Variants in MDGA2 observed in about 807,000 individuals in gnomAD.
MDGA2 encodes MAM domain containing glycosylphosphatidylinositol anchor 2.
MDGA2 carries 40 observed loss-of-function variants against 117.8 expected under a neutral mutation model. The ratio of observed to expected loss-of-function variants is 0.34; its 90% CI spans 0.26 to 0.44. MDGA2 has a LOEUF of 0.44. MDGA2 is among the 20% of genes least tolerant of loss of function. The probability of loss-of-function intolerance (pLI) is 1.00; values close to 1 mark genes in which losing one functional copy is unlikely to be tolerated. For missense variants in MDGA2, 1,123 were observed against 1,250.6 expected, an observed-to-expected ratio of 0.90 and a Z score of 1.54; for synonymous variants, 452 against 439.0, an observed-to-expected ratio of 1.03 and a Z score of -0.37.
intron 1 of MDGA2, among the ~76,000 whole-genome samples, chr14:47,618,380 T>C (rs892909810): frequency 3.3e-5 from 5 of 152,162 alleles, no homozygotes; most frequent in African/African-American, 1.2e-4. Flanking sequence ...TTGCCAAGTG[T>C]CCATCTGCAT....
intron 3 of MDGA2, among the ~76,000 whole-genome samples, chr14:47,183,279 T>G (rs1884783081): frequency 6.6e-6 from 1 of 152,058 alleles, no homozygotes; most frequent in African/African-American, 2.4e-5. Context: ...TCTCTCCAAT[T>G]TTATCACTCT....
chr14:47,665,794 G>A (rs149260980), intron 1 of MDGA2, among the ~76,000 whole-genome samples: 8,076 of 95,148 alleles, frequency 0.085, 249 homozygotes, highest in African/African-American at 0.095. Flanking sequence ...CTAGCAGCCC[G>A]CCCCCTCCCT....
chr14:47,073,925 G>A (rs892761773), intron 6 of MDGA2, among the ~76,000 whole-genome samples: 2 of 152,094 alleles, frequency 1.3e-5, no homozygotes, highest in South Asian at 4.1e-4. Context: ...AGGATGCCGG[G>A]TTGATCTTTC....
At chr14:47,238,791 G>T (rs1033656782) in intron 2 of MDGA2, among the ~76,000 whole-genome samples, 6 of 151,612 alleles carry the variant, frequency 4.0e-5, no homozygotes, top group Admixed American at 3.3e-4. Context: ...ATATAATGAT[G>T]TAAAAACAAA....
At chr14:46,996,989 T>C (rs1887318596) in intron 8 of MDGA2, 1 of 377,752 alleles carries the variant, frequency 2.6e-6, no homozygotes, top group Non-Finnish European at 5.0e-6. Flanking sequence ...GGAAATAGCT[T>C]TACAGTGGCC....
At chr14:47,452,753 A>C (rs1012592243) in intron 1 of MDGA2, among the ~76,000 whole-genome samples, 2 of 152,046 alleles carry the variant, frequency 1.3e-5, no homozygotes, top group Non-Finnish European at 2.9e-5. Flanking sequence ...CTAATTCTCC[A>C]ATAGAATGTT....
chr14:46,931,482 A>G lies in MDGA2; in HGVS notation c.2090-11322T>C, dbSNP rs575055537. Among the ~76,000 whole-genome samples the G allele has an allele frequency of 3.4e-4, 51 of 151,538 alleles. No individual in the cohort carries two copies. The South Asian group carries it at 8.7e-3, about 26-fold the overall frequency. ...TTTATAATTTTTAGTTATAATTTAG[A>G]AAAAAAATGTGTTTCATTCCAATTG... On this transcript the variant is annotated intron_variant, in intron 9 of 16. Coordinates refer to ENST00000399232, the MANE Select transcript of MDGA2 (RefSeq NM_001113498.3).
chr14:47,599,532 TTTG>T (rs1206920562), intron 1 of MDGA2, among the ~76,000 whole-genome samples: 1 of 152,138 alleles, frequency 6.6e-6, no homozygotes, highest in East Asian at 1.9e-4. Flanking sequence ...CACCAATGAA[TTTG>T]ATCCCATACC....
chr14:46,862,490 C>A (rs1189806450), intron 14 of MDGA2, among the ~76,000 whole-genome samples: 1 of 149,834 alleles, frequency 6.7e-6, no homozygotes, highest in Non-Finnish European at 1.5e-5. Flanking sequence ...AAGTTCTTAA[C>A]ATAATTTTAC....
intron 9 of MDGA2, among the ~76,000 whole-genome samples, chr14:46,927,270 AG>A (rs1375249961): frequency 1.3e-5 from 2 of 152,154 alleles, no homozygotes; most frequent in Non-Finnish European, 2.9e-5. Context: ...ATTTATTTGT[AG>A]GGTATTTAAT....
At chr14:47,602,351 G>A (rs1353489142) in intron 1 of MDGA2, among the ~76,000 whole-genome samples, 2 of 152,040 alleles carry the variant, frequency 1.3e-5, no homozygotes, top group African/African-American at 4.8e-5. Flanking sequence ...CCAGATCATG[G>A]TGAGCCAAGA....
chr14:47,001,852 T>G (rs999455239), intron 8 of MDGA2, among the ~76,000 whole-genome samples: 1 of 152,050 alleles, frequency 6.6e-6, no homozygotes, highest in African/African-American at 2.4e-5. Context: ...GCAGTGGTGG[T>G]ATATACATTC....
chr14:47,431,648 CA>C (rs1892801964), intron 1 of MDGA2, among the ~76,000 whole-genome samples: 13 of 151,938 alleles, frequency 8.6e-5, no homozygotes, highest in Admixed American at 8.5e-4. Context: ...TTCCTTTGCA[CA>C]AATGAGGGTT....
intron 1 of MDGA2, among the ~76,000 whole-genome samples, chr14:47,423,872 C>T (rs1243457622): frequency 6.6e-6 from 1 of 152,038 alleles, no homozygotes; most frequent in African/African-American, 2.4e-5. Context: ...AGTGCAGTGG[C>T]ATAATCTCGG....
In MDGA2 at chr14:47,355,876, A is replaced by T. The variant is rs1890982838; in HGVS notation, c.281-54326T>A. ...AGGAGGCAGATGCTTCTCTTTTGAC[A>T]GTTTCTGAATGGGAATGCACATTTC... On this transcript the variant is annotated intron_variant, in intron 1 of 16. Transcript: ENST00000399232. Among the ~76,000 whole-genome samples, 3 of 152,136 alleles carry T rather than the reference A, an allele frequency of 2.0e-5. No homozygotes were observed. In the South Asian group the frequency reaches 6.2e-4, roughly 32 times the overall value.
At chr14:46,895,452 G>A (rs949856648) in intron 10 of MDGA2, among the ~76,000 whole-genome samples, 3 of 152,116 alleles carry the variant, frequency 2.0e-5, no homozygotes, top group Non-Finnish European at 4.4e-5. Context: ...TTGGCCAGGC[G>A]CGGTGCCTCA....
chr14:47,357,020 G>A (rs1024203803), intron 1 of MDGA2, among the ~76,000 whole-genome samples: 15 of 152,162 alleles, frequency 9.9e-5, no homozygotes, highest in Admixed American at 3.3e-4. Flanking sequence ...TTTACTTAGC[G>A]GAGATTTGTG....
At position 47,099,893 on chromosome 14, in the gene MDGA2, C is replaced by T. The variant is rs534638058; in HGVS notation, c.926-2770G>A. On this transcript the variant is annotated intron_variant, in intron 5 of 16. Transcript: ENST00000399232. ...GGATGCACAAAGTGTTTTCTTTTAT[C>T]ATTTATTTACCCTCACAGCCTAGTC... Among the ~76,000 whole-genome samples, 5 of 152,060 alleles carry T rather than the reference C, an allele frequency of 3.3e-5. No individual in the cohort carries two copies. In the South Asian group the frequency reaches 8.3e-4, roughly 25 times the overall value.
chr14:47,203,602 T>G (rs1396230744), intron 3 of MDGA2, among the ~76,000 whole-genome samples: 1 of 151,908 alleles, frequency 6.6e-6, no homozygotes, highest in Non-Finnish European at 1.5e-5. Context: ...AATGGCACCA[T>G]GCTTTATGAT....
Sources: allele counts gnomAD v4.1 joint callset (sites outside exome capture counted in the v4.1 genomes callset), GRCh38; gene constraint gnomAD v4.1.1; transcripts MANE v1.5; gene names NCBI Gene and HGNC (gene_info 2026-07-23, HGNC 2026-07-21).